Variants in VAV3 observed in about 807,000 individuals in gnomAD.
The protein encoded by VAV3 is guanine nucleotide exchange factor VAV3.
In VAV3, 94 loss-of-function variants were observed where a neutral mutation model predicts 131.2. The ratio of observed to expected loss-of-function variants is 0.72; its 90% confidence interval spans 0.61 to 0.85. The LOEUF is 0.85. Among genes scored for constraint, VAV3 ranks in the 40% least tolerant of loss-of-function variants. The probability of loss-of-function intolerance (pLI) is 0.00; values close to 1 mark genes in which losing one functional copy is unlikely to be tolerated. For synonymous variants in VAV3, 349 were observed against 342.0 expected, an observed-to-expected ratio of 1.02 and a Z score of -0.22; for missense variants, 939 against 1,002.7, an observed-to-expected ratio of 0.94 and a Z score of 0.86.
chr1:107,676,463 T>C (rs1459527248), intron 19 of VAV3, among the ~76,000 whole-genome samples: 1 of 152,148 alleles, frequency 6.6e-6, no homozygotes, highest in Non-Finnish European at 1.5e-5. Context: ...AGGTGCATGT[T>C]GACAAGAAGC....
intron 1 of VAV3, among the ~76,000 whole-genome samples, chr1:107,926,095 C>T (rs1371700098): frequency 6.6e-6 from 1 of 151,922 alleles, no homozygotes; most frequent in Admixed American, 6.6e-5. Context: ...GCCTGGCCAA[C>T]ATGGTGAAGC....
chr1:107,633,278 A>G (rs1373945160), intron 20 of VAV3, among the ~76,000 whole-genome samples: 1 of 152,190 alleles, frequency 6.6e-6, no homozygotes, highest in Non-Finnish European at 1.5e-5. Flanking sequence ...GAAAAATATG[A>G]ATTCCAAAAT....
intron 19 of VAV3, among the ~76,000 whole-genome samples, chr1:107,652,413 A>G (rs1164480262): frequency 6.6e-6 from 1 of 152,096 alleles, no homozygotes; most frequent in African/African-American, 2.4e-5. Context: ...AGTAGCCATT[A>G]TTTTATTCCT....
At chr1:107,736,949 A>G (rs1662680089) in intron 15 of VAV3, among the ~76,000 whole-genome samples, 1 of 152,240 alleles carries the variant, frequency 6.6e-6, no homozygotes. Flanking sequence ...AGCTGACTTC[A>G]AGCTATCCTA....
chr1:107,583,307 G>A (rs1353266204), intron 25 of VAV3, among the ~76,000 whole-genome samples: 1 of 152,178 alleles, frequency 6.6e-6, no homozygotes, highest in East Asian at 1.9e-4. Context: ...AGATCATACT[G>A]AATGCGAAAA....
intron 20 of VAV3, among the ~76,000 whole-genome samples, chr1:107,634,426 A>C (rs970353458): frequency 2.6e-5 from 4 of 152,184 alleles, no homozygotes; most frequent in Admixed American, 2.6e-4. Flanking sequence ...CATATGTAGA[A>C]AGCTGAAACT....
chr1:107,622,626 A>C (rs1410081600), intron 20 of VAV3, among the ~76,000 whole-genome samples: 1 of 152,168 alleles, frequency 6.6e-6, no homozygotes, highest in East Asian at 1.9e-4. Context: ...GGGACAGATT[A>C]ATGGTTATTT....
intron 2 of VAV3, among the ~76,000 whole-genome samples, chr1:107,865,078 C>T (rs1669919434): frequency 6.6e-6 from 1 of 152,158 alleles, no homozygotes; most frequent in Admixed American, 6.5e-5. Context: ...TCATCAGGGC[C>T]ATTTTACAGA....
chr1:107,799,491 T>A (rs1465625843), intron 2 of VAV3, among the ~76,000 whole-genome samples: 1 of 152,156 alleles, frequency 6.6e-6, no homozygotes, highest in Non-Finnish European at 1.5e-5. Flanking sequence ...TTGTCTGGCA[T>A]AAATATAGAA....
intron 17 of VAV3, among the ~76,000 whole-genome samples, chr1:107,691,556 T>C (rs1228780433): frequency 6.6e-6 from 1 of 152,202 alleles, no homozygotes; most frequent in Non-Finnish European, 1.5e-5. Context: ...TGTATCTCTC[T>C]TTTTCTCCTG....
At chr1:107,958,803 G>C (rs1674939887) in intron 1 of VAV3, among the ~76,000 whole-genome samples, 1 of 151,996 alleles carries the variant, frequency 6.6e-6, no homozygotes, top group Admixed American at 6.6e-5. Context: ...ACAGGCCCCG[G>C]TGTGTGATGT....
intron 2 of VAV3, among the ~76,000 whole-genome samples, chr1:107,839,620 T>G (rs1571023942): frequency 6.6e-6 from 1 of 151,838 alleles, no homozygotes; most frequent in South Asian, 2.1e-4. Context: ...CCTAGGAAAC[T>G]AGAGAAAGAA....
At chr1:107,695,748 T>C (rs1659705920) in intron 17 of VAV3, among the ~76,000 whole-genome samples, 1 of 152,156 alleles carries the variant, frequency 6.6e-6, no homozygotes, top group South Asian at 2.1e-4. Flanking sequence ...GAAGATGGCA[T>C]GGGCGCATGA....
At chr1:107,764,051 T>C (rs1664589883) in intron 9 of VAV3, among the ~76,000 whole-genome samples, 1 of 144,294 alleles carries the variant, frequency 6.9e-6, no homozygotes. Context: ...TTTGAAAGCA[T>C]GAAGTCCTCG....
At chr1:107,628,047 T>C (rs762482720) in intron 20 of VAV3, among the ~76,000 whole-genome samples, 1 of 149,588 alleles carries the variant, frequency 6.7e-6, no homozygotes, top group Admixed American at 6.9e-5. Flanking sequence ...GGTGTTATGA[T>C]AGAAGCCTTT....
intron 1 of VAV3, among the ~76,000 whole-genome samples, chr1:107,930,464 A>T (rs1311620357): frequency 6.6e-6 from 1 of 152,204 alleles, no homozygotes; most frequent in African/African-American, 2.4e-5. Flanking sequence ...TCAATTAGTC[A>T]TTACTAGAAA....
rs1333369087 is a variant in VAV3 at position 107,676,871 on chromosome 1, AGT to A, written c.1777+6615_1777+6616del. 2.6e-5 allele frequency among the ~76,000 whole-genome samples: 4 copies of A among 152,134 alleles called. No individual in the cohort carries two copies. The East Asian group carries it at 7.7e-4, about 29-fold the overall frequency. On this transcript the variant is annotated intron_variant, in intron 19 of 26. Transcript: ENST00000370056. ...CATAACCTATACGACACACTTTGGT[AGT>A]TCATCATGTACTCTACAATATTACT...
chr1:107,836,421 G>A (rs4460667), intron 2 of VAV3, among the ~76,000 whole-genome samples: 64,515 of 152,022 alleles, frequency 0.42, 13,974 homozygotes, highest in African/African-American at 0.5. Context: ...GATATAATGA[G>A]AGTAGTTTTA....
intron 11 of VAV3, 38 bp from the exon 12 acceptor site, chr1:107,755,551 C>CT (rs754279444): frequency 1.3e-6 from 2 of 1,482,264 alleles, no homozygotes; most frequent in Non-Finnish European, 1.9e-6. Context: ...AGAAGGCACA[C>CT]TAAGATTAGA....
Sources: gnomAD v4.1 joint callset for allele counts (sites outside exome capture counted in the v4.1 genomes callset) on GRCh38, gnomAD v4.1.1 for gene constraint, MANE v1.5 for transcripts, NCBI Gene and HGNC (gene_info 2026-07-23, HGNC 2026-07-21) for gene names.